Variants in STARD3NL observed in about 807,000 individuals in gnomAD.
The protein encoded by STARD3NL is STARD3 N-terminal like, also known as STARD3 N-terminal-like protein.
STARD3NL carries 17 observed loss-of-function variants against 30.9 expected under a neutral mutation model. The ratio of observed to expected loss-of-function variants is 0.55; its 90% CI spans 0.38 to 0.82. The LOEUF is 0.82. STARD3NL is among the 40% of genes least tolerant of loss of function. STARD3NL has a pLI of 0.00. For synonymous variants in STARD3NL, 112 were observed against 100.5 expected (o/e 1.11, Z -0.69); for missense variants, 234 against 277.6 (o/e 0.84, Z 1.12).
intron 1 of STARD3NL, among the ~76,000 whole-genome samples, chr7:38,191,470 T>C (rs750743847): frequency 6.6e-6 from 1 of 151,082 alleles, no homozygotes; most frequent in Non-Finnish European, 1.5e-5. Flanking sequence ...TTGCAAAAAA[T>C]ATTGCAAAAA....
chr7:38,190,049 AC>A (rs1401620994), intron 1 of STARD3NL, among the ~76,000 whole-genome samples: 3 of 152,166 alleles, frequency 2.0e-5, no homozygotes, highest in Non-Finnish European at 4.4e-5. Context: ...TACAATAGTT[AC>A]CTCTTATCCA....
At chr7:38,212,326 G>T (rs537423977) in intron 2 of STARD3NL, among the ~76,000 whole-genome samples, 1 of 152,098 alleles carries the variant, frequency 6.6e-6, no homozygotes, top group African/African-American at 2.4e-5. Flanking sequence ...TCTATCTTGG[G>T]ACCCTTCTAC....
intron 2 of STARD3NL, among the ~76,000 whole-genome samples, chr7:38,211,620 T>C (rs1426755016): frequency 6.6e-6 from 1 of 152,176 alleles, no homozygotes; most frequent in Non-Finnish European, 1.5e-5. Context: ...TTTACTGCAA[T>C]GGTGAGCTGT....
intron 7 of STARD3NL, among the ~76,000 whole-genome samples, chr7:38,222,791 A>C (rs1249012085): frequency 6.6e-6 from 1 of 152,214 alleles, no homozygotes; most frequent in Non-Finnish European, 1.5e-5. Flanking sequence ...AAGACAGGTT[A>C]CTAATGGGCA....
At chr7:38,188,868 G>C (rs563485251) in intron 1 of STARD3NL, among the ~76,000 whole-genome samples, 2 of 152,256 alleles carry the variant, frequency 1.3e-5, no homozygotes, top group South Asian at 4.1e-4. Flanking sequence ...TTAAAAAACA[G>C]TCGGAGTTCG....
chr7:38,206,466 A>C (rs1010937198), intron 1 of STARD3NL, among the ~76,000 whole-genome samples: 1 of 152,206 alleles, frequency 6.6e-6, no homozygotes. Flanking sequence ...CACTTCGTTT[A>C]ATGTCTTTGT....
chr7:38,207,778 A>T (rs772692422), intron 2 of STARD3NL, 49 bp downstream of exon 2: 2 of 1,550,382 alleles, frequency 1.3e-6, no homozygotes, highest in Non-Finnish European at 1.8e-6. Context: ...TTCCAGAGAC[A>T]ACAGGGTTTT....
intron 1 of STARD3NL, among the ~76,000 whole-genome samples, chr7:38,193,796 C>T (rs1028035772): frequency 1.3e-5 from 2 of 152,058 alleles, no homozygotes; most frequent in African/African-American, 2.4e-5. Context: ...ATATGATATA[C>T]AATGTTATGT....
chr7:38,203,460 C>A (rs1049913242), intron 1 of STARD3NL, among the ~76,000 whole-genome samples: 4 of 152,154 alleles, frequency 2.6e-5, no homozygotes, highest in South Asian at 2.1e-4. Flanking sequence ...GCCTGCCCTA[C>A]AAGAGCTCCT....
At chr7:38,224,354 TGTTTAACTTTTTTTAAA>T (rs1786634457) in intron 7 of STARD3NL, among the ~76,000 whole-genome samples, 1 of 152,246 alleles carries the variant, frequency 6.6e-6, no homozygotes, top group Non-Finnish European at 1.5e-5. Context: ...GGCAAGTTTC[TGTTTAACTTTTTTTAAA>T]ATTGTCAAAC....
In STARD3NL at chr7:38,216,862, G is replaced by C. The variant is rs906466216; in HGVS notation, c.382-163G>C. The C allele has an allele frequency of 6.9e-6, 5 of 725,354 alleles. No individual in the cohort carries two copies. The African/African-American group carries it at 8.9e-5, about 13-fold the overall frequency. The allele number at this position is 725,354 out of a possible 1,614,324, so 44.9% of individuals were successfully genotyped here. On this transcript the variant is annotated intron_variant, in intron 4 of 8. Coordinates refer to ENST00000009041, the MANE Select transcript of STARD3NL (RefSeq NM_032016.4). ...TAGAAGCCCATTTTGCCCCAGTGTG[G>C]GTCTAGGGGAGAGAGACTGAGTGAT...
At chr7:38,184,529 A>G (rs1784377670) in intron 1 of STARD3NL, among the ~76,000 whole-genome samples, 2 of 151,116 alleles carry the variant, frequency 1.3e-5, no homozygotes, top group South Asian at 4.2e-4. Context: ...GATGCCACAC[A>G]TTTTTAAACA....
intron 1 of STARD3NL, among the ~76,000 whole-genome samples, chr7:38,187,146 C>T (rs1784496053): frequency 6.6e-6 from 1 of 152,186 alleles, no homozygotes; most frequent in African/African-American, 2.4e-5. Context: ...CTGACTCAGC[C>T]CATGCTAGTG....
intron 1 of STARD3NL, among the ~76,000 whole-genome samples, chr7:38,186,979 G>A (rs1193841810): frequency 6.6e-6 from 1 of 151,946 alleles, no homozygotes; most frequent in Non-Finnish European, 1.5e-5. Flanking sequence ...GGTAGCTATA[G>A]AGACCCCGTT....
At chr7:38,222,779 A>G (rs973211328) in intron 7 of STARD3NL, among the ~76,000 whole-genome samples, 1 of 152,198 alleles carries the variant, frequency 6.6e-6, no homozygotes, top group African/African-American at 2.4e-5. Flanking sequence ...TTTGTTTGAC[A>G]AAAGACAGGT....
rs576283756 is a variant in STARD3NL, at chr7:38,219,641, C to G, written c.630C>G (p.Ser210=). ...GTCTTTCTGATGGTCAGTTTTATTCCCCTCCTGAATCCGAAGCAGGTAAAA... is the reference window on the plus strand; with the variant it reads ...GTCTTTCTGATGGTCAGTTTTATTCGCCTCCTGAATCCGAAGCAGGTAAAA... ...PGGLSDGQFY[S]PPESEAGSEE... is the part of the protein sequence containing the mutation. The change falls in exon 7 of 9, where the codon TCC becomes TCG. Residue 210 remains serine (S), a synonymous_variant. Transcript: ENST00000009041. 1.2e-6 allele frequency: 2 copies of G among 1,612,158 alleles called. No individual in the cohort carries two copies. Among genetic ancestry groups the G allele is most frequent in the Middle Eastern group, 1.7e-4 (1 of 6,052 alleles).
At chr7:38,183,493 G>T (rs1180079428) in intron 1 of STARD3NL, among the ~76,000 whole-genome samples, 1 of 152,082 alleles carries the variant, frequency 6.6e-6, no homozygotes, top group Non-Finnish European at 1.5e-5. Context: ...ATGTCCATTT[G>T]TTTGGGTTAG....
At position 38,202,198 on chromosome 7, in the gene STARD3NL, G is replaced by A. The variant is rs1785214172; in HGVS notation, c.-58-5249G>A. 2.0e-5 allele frequency: 3 copies of A among 152,200 alleles called. No homozygotes were observed. In the South Asian group the frequency reaches 6.2e-4, roughly 32 times the overall value. The allele number at this position is 152,200 out of a possible 1,614,324, so 9.4% of individuals were successfully genotyped here. ...TTGATCTCATTAAGACAGAAATTAT[G>A]TAAGAATGCTTTTAATTTGGGAGCT... is the stretch of plus-strand genomic sequence containing the variant. On this transcript the variant is annotated intron_variant, in intron 1 of 8. Coordinates refer to ENST00000009041, the MANE Select transcript of STARD3NL (RefSeq NM_032016.4).
intron 6 of STARD3NL, among the ~76,000 whole-genome samples, chr7:38,219,190 G>A (rs915920054): frequency 1.3e-5 from 2 of 152,128 alleles, no homozygotes; most frequent in African/African-American, 4.8e-5. Flanking sequence ...GGGACTACAG[G>A]CATGCACTAC....
Sources: gnomAD v4.1 joint callset for allele counts (sites outside exome capture counted in the v4.1 genomes callset) on GRCh38, gnomAD v4.1.1 for gene constraint, MANE v1.5 for transcripts, NCBI Gene and HGNC (gene_info 2026-07-23, HGNC 2026-07-21) for gene names.